Variants in TRPM7 observed in about 807,000 individuals in gnomAD.
TRPM7 encodes LTRPC ion channel family member 7.
In TRPM7, 134 loss-of-function variants were observed where a neutral mutation model predicts 229.7. The ratio of observed to expected loss-of-function variants is 0.58; its 90% confidence interval spans 0.51 to 0.67. The LOEUF (loss-of-function observed/expected upper bound fraction) is 0.67, where lower values mean the gene tolerates loss of function less well. Among genes scored for constraint, TRPM7 ranks in the 30% least tolerant of loss-of-function variants. The pLI, the probability that TRPM7 is intolerant of heterozygous loss-of-function variation, is 0.00. For missense variants in TRPM7, 1,901 were observed against 2,210.0 expected, an observed-to-expected ratio of 0.86 and a Z score of 2.80; for synonymous variants, 699 against 715.2, an observed-to-expected ratio of 0.98 and a Z score of 0.36.
At chr15:50,629,859 C>CT (rs33991422) in intron 10 of TRPM7, among the ~76,000 whole-genome samples, 15,323 of 106,478 alleles carry the variant, frequency 0.14, 1,645 homozygotes, top group Admixed American at 0.22. Flanking sequence ...TCTTTTTAAC[C>CT]TTTTTTTTTT....
At chr15:50,650,173 A>G (rs1043732432) in intron 3 of TRPM7, among the ~76,000 whole-genome samples, 16 of 132,796 alleles carry the variant, frequency 1.2e-4, no homozygotes, top group African/African-American at 4.7e-4. Context: ...AGCCTGGGTG[A>G]AAGAGTGAGA....
At chr15:50,661,025 G>C (rs964635816) in intron 2 of TRPM7, among the ~76,000 whole-genome samples, 2 of 151,260 alleles carry the variant, frequency 1.3e-5, no homozygotes, top group African/African-American at 4.9e-5. Flanking sequence ...ACCCAGGCTG[G>C]AGTGCAGCAG....
At chr15:50,567,375 G>A (rs1467056090) in intron 38 of TRPM7, among the ~76,000 whole-genome samples, 1 of 152,016 alleles carries the variant, frequency 6.6e-6, no homozygotes, top group Non-Finnish European at 1.5e-5. Flanking sequence ...GAAAACTTCA[G>A]GCCAAGATGG....
At chr15:50,619,214 CT>C (rs892472680) in intron 13 of TRPM7, among the ~76,000 whole-genome samples, 7 of 147,736 alleles carry the variant, frequency 4.7e-5, no homozygotes, top group South Asian at 2.2e-4. Context: ...AGCTCAACAG[CT>C]TTTTTTTCTT....
At position 50,648,672 on chromosome 15, in the gene TRPM7, C is replaced by A; in HGVS notation, c.321+15G>T. ...ATAACAACATAAATGAAGAAAAATC[C>A]AATATGTGACATACCTTAGCTCTGT... On this transcript the variant is annotated intron_variant, in intron 4 of 38. Coordinates refer to ENST00000646667, the MANE Select transcript of TRPM7 (RefSeq NM_017672.6). The A allele has an allele frequency of 1.3e-6, 2 of 1,557,414 alleles. No individual in the cohort carries two copies. Among genetic ancestry groups the A allele is most frequent in the South Asian group, 1.2e-5 (1 of 80,572 alleles).
intron 1 of TRPM7, among the ~76,000 whole-genome samples, chr15:50,671,243 C>T (rs2061981339): frequency 6.6e-6 from 1 of 152,146 alleles, no homozygotes; most frequent in Non-Finnish European, 1.5e-5. Flanking sequence ...TTCTACTCTC[C>T]ATCCAGAAAT....
chr15:50,657,666 C>T (rs1392590637), intron 3 of TRPM7, 115 bp downstream of exon 3: 3 of 887,866 alleles, frequency 3.4e-6, no homozygotes, highest in African/African-American at 1.7e-5. Flanking sequence ...AGGTAAAGTA[C>T]CCATCAAATA....
intron 10 of TRPM7, 29 bp from the exon 11 acceptor site, chr15:50,628,278 G>C: frequency 6.8e-7 from 1 of 1,473,746 alleles, no homozygotes; most frequent in Non-Finnish European, 9.4e-7. Context: ...TAGTTGACAG[G>C]TTCAATTAAT....
At chr15:50,570,018 A>C (rs1262791493) in intron 37 of TRPM7, 25 bp from the exon 38 acceptor site, 11 of 1,594,436 alleles carry the variant, frequency 6.9e-6, no homozygotes, top group Admixed American at 5.3e-5. Flanking sequence ...ATTTTAAAAA[A>C]AACAACAAAA....
chr15:50,581,393 G>A (rs1440889667), intron 29 of TRPM7, among the ~76,000 whole-genome samples: 1 of 152,140 alleles, frequency 6.6e-6, no homozygotes, highest in African/African-American at 2.4e-5. Context: ...CAGCTACTTG[G>A]GAGGCTGAGG....
intron 30 of TRPM7, among the ~76,000 whole-genome samples, chr15:50,579,348 G>A (rs2054289013): frequency 6.6e-6 from 1 of 152,184 alleles, no homozygotes; most frequent in African/African-American, 2.4e-5. Flanking sequence ...AGGACCTTGG[G>A]AGTAGATAAC....
In TRPM7 at chr15:50,565,968, C is replaced by A. The variant is rs577723297; in HGVS notation, c.5467+3919G>T. Reference sequence around the variant, plus strand: ...CTTACTGAGTAGCTGGGATTACAGGCACCCACTGCCACACCCAGCTAATTT... The same window carrying A: ...CTTACTGAGTAGCTGGGATTACAGGAACCCACTGCCACACCCAGCTAATTT... On this transcript the variant is annotated intron_variant, in intron 38 of 38. Transcript: ENST00000646667. 2.6e-5 allele frequency among the ~76,000 whole-genome samples: 4 copies of A among 152,026 alleles called. No individual in the cohort carries two copies. The East Asian group carries it at 7.8e-4, about 29-fold the overall frequency.
At position 50,594,579 on chromosome 15, in the gene TRPM7, T is replaced by C. The variant is rs2140375186; in HGVS notation, c.3325A>G (p.Ile1109Val). 6.2e-7 allele frequency: 1 copy of C among 1,606,258 alleles called. No individual in the cohort carries two copies. The highest frequency in any genetic ancestry group is 2.2e-5 in the East Asian group (1 of 44,694). ...VYLQVKAISN[I>V]VWKYQRYHFI... ...TGATAACGCTGGTACTTCCATACAA[T>C]ATTGGAAATTGCCTTCACTTGTAAA... The change falls in exon 24 of 39, where the codon ATT becomes GTT. Residue 1109 changes from isoleucine (I) to valine (V), a missense_variant. Around this residue, in one of 8 missense-constraint regions of TRPM7, gnomAD observed 89 missense variants for 178.2 expected, o/e 0.50. Coordinates refer to ENST00000646667, the MANE Select transcript of TRPM7 (RefSeq NM_017672.6).
chr15:50,673,671 CGTT>C (rs2062038208), intron 1 of TRPM7, among the ~76,000 whole-genome samples: 1 of 152,066 alleles, frequency 6.6e-6, no homozygotes. Flanking sequence ...TTTATCCACT[CGTT>C]GACTTGATGG....
intron 4 of TRPM7, among the ~76,000 whole-genome samples, chr15:50,644,833 C>A (rs1263678025): frequency 6.6e-6 from 1 of 150,536 alleles, no homozygotes; most frequent in East Asian, 1.9e-4. Context: ...GAAATGAAGC[C>A]CAAAAAACCC....
At chr15:50,575,702 T>C in intron 33 of TRPM7, 22 bp downstream of exon 33, 1 of 1,596,456 alleles carries the variant, frequency 6.3e-7, no homozygotes, top group Non-Finnish European at 8.5e-7. Context: ...CACTTATTTA[T>C]TTCTTTAATT....
intron 28 of TRPM7, among the ~76,000 whole-genome samples, chr15:50,583,893 G>T (rs2054553742): frequency 6.6e-6 from 1 of 152,064 alleles, no homozygotes; most frequent in Non-Finnish European, 1.5e-5. Context: ...ATTTTCTACA[G>T]AACAGAGAAG....
At chr15:50,661,475 T>C (rs2061722400) in intron 2 of TRPM7, among the ~76,000 whole-genome samples, 1 of 152,250 alleles carries the variant, frequency 6.6e-6, no homozygotes, top group African/African-American at 2.4e-5. Flanking sequence ...TCAAAAGTTT[T>C]TTAAATGTAT....
In TRPM7 at chr15:50,558,814, G is replaced by C. The variant is rs2053211249; in HGVS notation, c.*2864C>G. ...AGGCAGTGGCAGGAGGATTGCTTGAGCCCAGGAGTTTACGGCTGCAGTGAG... is the reference window on the plus strand; with the variant it reads ...AGGCAGTGGCAGGAGGATTGCTTGACCCCAGGAGTTTACGGCTGCAGTGAG... On this transcript the variant is annotated 3_prime_UTR_variant, in exon 39 of 39. Coordinates refer to ENST00000646667, the MANE Select transcript of TRPM7 (RefSeq NM_017672.6). 1 of 151,986 alleles carries C rather than the reference G, an allele frequency of 6.6e-6. No homozygotes were observed. Among genetic ancestry groups the C allele is most frequent in the Non-Finnish European group, 1.5e-5 (1 of 68,048 alleles). The allele number at this position is 151,986 out of a possible 1,614,324, so 9.4% of individuals were successfully genotyped here. A position where few individuals can be genotyped will look rare whatever the true frequency, so the allele number is the denominator to read the frequency against.
Sources: allele counts gnomAD v4.1 joint callset (sites outside exome capture counted in the v4.1 genomes callset), GRCh38; gene constraint gnomAD v4.1.1; regional missense constraint gnomAD v4.1.1; transcripts MANE v1.5; gene names NCBI Gene and HGNC (gene_info 2026-07-23, HGNC 2026-07-21).